The following GLG1 variants were observed in gnomAD, a reference collection of about 807,000 sequenced individuals.
GLG1 encodes the protein Golgi apparatus protein 1.
A neutral mutation model predicts 160.5 loss-of-function variants in GLG1; 38 were observed. The ratio of observed to expected loss-of-function variants is 0.24; its 90% CI spans 0.18 to 0.31. The LOEUF (loss-of-function observed/expected upper bound fraction) is 0.31. Ranked by LOEUF, GLG1 falls within the 10% of genes least tolerant of loss-of-function variation. The pLI, the probability that GLG1 is intolerant of heterozygous loss-of-function variation, is 1.00. For synonymous variants in GLG1, 644 were observed against 543.4 expected (o/e 1.19, Z -2.57); for missense variants, 1,373 against 1,505.2 (o/e 0.91, Z 1.45).
chr16:74,459,822 C>T (rs2014713545), intron 22 of GLG1, 33 bp from the exon 23 acceptor site: 4 of 1,066,224 alleles, frequency 3.8e-6, no homozygotes, highest in Non-Finnish European at 5.7e-6. Context: ...AAAGCTACCC[C>T]ACTGAGCACA....
At chr16:74,552,634 C>G (rs1311005535) in intron 1 of GLG1, 1 of 196,228 alleles carries the variant, frequency 5.1e-6, no homozygotes, top group African/African-American at 2.4e-5. Flanking sequence ...CACCCACAGA[C>G]AGAGTGCTGT....
At chr16:74,500,078 A>AT (rs954596552) in intron 4 of GLG1, among the ~76,000 whole-genome samples, 5 of 152,204 alleles carry the variant, frequency 3.3e-5, no homozygotes, top group East Asian at 3.9e-4. Context: ...TCAGATAAAT[A>AT]TTTTTTTCAA....
intron 1 of GLG1, among the ~76,000 whole-genome samples, chr16:74,571,993 T>G (rs1272144971): frequency 1.3e-5 from 2 of 152,130 alleles, no homozygotes; most frequent in Non-Finnish European, 2.9e-5. Context: ...TCAGAAGAGA[T>G]AACTGTCTTT....
chr16:74,513,092 A>G (rs1170462045), intron 2 of GLG1, among the ~76,000 whole-genome samples: 1 of 152,212 alleles, frequency 6.6e-6, no homozygotes, highest in African/African-American at 2.4e-5. Flanking sequence ...TGAATACCGC[A>G]GTTCATATTA....
intron 24 of GLG1, 109 bp downstream of exon 24, chr16:74,457,765 A>G (rs1004872950): frequency 1.7e-5 from 16 of 963,028 alleles, no homozygotes; most frequent in Non-Finnish European, 2.5e-5. Flanking sequence ...TGACTGGGCT[A>G]CAACTACAGA....
chr16:74,458,063 T>C, intron 23 of GLG1, 69 bp from the exon 24 acceptor site: 1 of 1,429,030 alleles, frequency 7.0e-7, no homozygotes, highest in Non-Finnish European at 9.7e-7. Flanking sequence ...TGTCTGTAAA[T>C]ACTTCATATA....
At chr16:74,479,883 G>A (rs1597247269) in intron 11 of GLG1, among the ~76,000 whole-genome samples, 1 of 152,112 alleles carries the variant, frequency 6.6e-6, no homozygotes, top group African/African-American at 2.4e-5. Context: ...AAGAGGAGAA[G>A]CCTAAAATCC....
intron 4 of GLG1, among the ~76,000 whole-genome samples, chr16:74,503,028 G>A (rs979701125): frequency 4.7e-4 from 71 of 151,698 alleles, no homozygotes; most frequent in Admixed American, 8.5e-4. Flanking sequence ...CCGACATGGC[G>A]AAACCCCAGC....
rs199521247 is a variant in GLG1, at chr16:74,465,650, C to T, written c.2667+26G>A. 1.9e-5 allele frequency: 30 copies of T among 1,610,032 alleles called. 1 individual carries two copies. The Admixed American group carries it at 4.1e-4, about 22-fold the overall frequency. On this transcript the variant is annotated intron_variant, in intron 19 of 25. Transcript: ENST00000422840. ...TTTGTTGTTTTGTTGTTCATCCGTG[C>T]TCGGCCTTTGGTGTCGGCTTCTCAC...
intron 3 of GLG1, among the ~76,000 whole-genome samples, chr16:74,505,543 A>T (rs1258882245): frequency 3.9e-5 from 6 of 152,188 alleles, no homozygotes; most frequent in African/African-American, 1.4e-4. Flanking sequence ...AACATGGCGA[A>T]ACCCCATCTC....
intron 1 of GLG1, among the ~76,000 whole-genome samples, chr16:74,585,623 G>A (rs1056495737): frequency 6.6e-6 from 1 of 151,388 alleles, no homozygotes; most frequent in Admixed American, 6.6e-5. Flanking sequence ...CAGGAGAATG[G>A]CGTGAACTCA....
At chr16:74,498,448 GTATATATA>G (rs61033032) in intron 4 of GLG1, among the ~76,000 whole-genome samples, 4 of 24,038 alleles carry the variant, frequency 1.7e-4, no homozygotes, top group African/African-American at 5.6e-4. Flanking sequence ...AAAAAAAAAA[GTATATATA>G]TATATATATA....
chr16:74,603,665 A>C (rs1958496804), intron 1 of GLG1, among the ~76,000 whole-genome samples: 1 of 152,052 alleles, frequency 6.6e-6, no homozygotes. Flanking sequence ...GCTACTGGCC[A>C]TTTCAACCAA....
chr16:74,562,776 A>G (rs944157487), intron 1 of GLG1, among the ~76,000 whole-genome samples: 10 of 152,296 alleles, frequency 6.6e-5, no homozygotes, highest in Admixed American at 2.0e-4. Flanking sequence ...TGCTGGCAGT[A>G]AAGGAAGCTT....
In GLG1 at chr16:74,496,570, G is replaced by T. The variant is rs183885575; in HGVS notation, c.849C>A (p.Pro283=). ...GLVKEAEERE[P]KIQVSELCKK... The stretch of plus-strand genomic sequence containing the variant: ...TGCAGAGTTCAGAAACTTGAATCTT[G>T]GGTTCTCTTTCTTCTGCTTCTTTCA... The change falls in exon 5 of 26, where the codon CCC becomes CCA. Residue 283 remains proline (P), a synonymous_variant. Transcript: ENST00000422840. The T allele has an allele frequency of 1.2e-4, 200 of 1,613,400 alleles. 1 individual carries two copies. The Admixed American group carries it at 3.3e-3, about 26-fold the overall frequency.
chr16:74,517,922 C>G (rs977766523), intron 2 of GLG1, among the ~76,000 whole-genome samples: 5 of 152,036 alleles, frequency 3.3e-5, no homozygotes, highest in Non-Finnish European at 5.9e-5. Flanking sequence ...AAACAGAGAG[C>G]CCAATCATGA....
chr16:74,515,920 TCTAAAC>T (rs142361818), intron 2 of GLG1, among the ~76,000 whole-genome samples: 148,996 of 150,490 alleles, frequency 0.99, 73,852 homozygotes, highest in East Asian at 1. Flanking sequence ...TAAAACAGAC[TCTAAAC>T]CTAAACCAAC....
intron 15 of GLG1, among the ~76,000 whole-genome samples, chr16:74,470,605 C>T (rs146845407): frequency 0.033 from 4,984 of 151,090 alleles, 117 homozygotes; most frequent in Middle Eastern, 0.086. Flanking sequence ...CCCGCCATCA[C>T]GCCAGGCTAA....
chr16:74,544,431 G>A (rs1178093702), intron 1 of GLG1, among the ~76,000 whole-genome samples: 1 of 151,968 alleles, frequency 6.6e-6, no homozygotes. Flanking sequence ...CTCCTGCTTC[G>A]TGTGAGAATC....
Sources: gnomAD v4.1 joint callset for allele counts (sites outside exome capture counted in the v4.1 genomes callset) on GRCh38, gnomAD v4.1.1 for gene constraint, MANE v1.5 for transcripts, NCBI Gene and HGNC (gene_info 2026-07-23, HGNC 2026-07-21) for gene names.